Variants in VANGL2 observed in about 807,000 individuals in gnomAD.
VANGL2 encodes VANGL planar cell polarity protein 2.
In VANGL2, 14 loss-of-function variants were observed where a neutral mutation model predicts 50.2. That is an observed-to-expected ratio of 0.28 (90% CI 0.18 to 0.44). VANGL2 has a LOEUF of 0.44. Ranked by LOEUF, VANGL2 falls within the 20% of genes least tolerant of loss-of-function variation. The pLI, the probability that VANGL2 is intolerant of heterozygous loss-of-function variation, is 1.00. For missense variants in VANGL2, 533 were observed against 701.5 expected, an observed-to-expected ratio of 0.76 and a Z score of 2.71; for synonymous variants, 295 against 297.2, an observed-to-expected ratio of 0.99 and a Z score of 0.08.
At chr1:160,418,582 C>T (rs1009379287) in intron 3 of VANGL2, among the ~76,000 whole-genome samples, 1 of 152,130 alleles carries the variant, frequency 6.6e-6, no homozygotes, top group African/African-American at 2.4e-5. Context: ...GAGCCCCCTT[C>T]CCCCAAGGAT....
chr1:160,406,929 T>A (rs376298927), intron 1 of VANGL2, among the ~76,000 whole-genome samples: 8 of 152,056 alleles, frequency 5.3e-5, no homozygotes, highest in African/African-American at 1.9e-4. Flanking sequence ...GGTTTCACCA[T>A]GTTGGTCAGG....
rs760069921 is a variant in VANGL2, at chr1:160,415,846, C to T, written c.9C>T (p.Thr3=). Residue 3 remains threonine (T), a synonymous_variant, in exon 2 of 8, where the codon ACC becomes ACT. Transcript: ENST00000368061. MD[T]ESQYSGYSYK... is the part of the protein sequence containing the mutation. The stretch of plus-strand genomic sequence containing the variant: ...CGCGGCGTTCAGACGCCATGGACAC[C>T]GAGTCCCAGTACTCGGGCTATTCCT... The T allele has an allele frequency of 3.3e-5, 53 of 1,613,370 alleles. No homozygotes were observed. The highest frequency in any genetic ancestry group is 3.9e-5 in the Non-Finnish European group (46 of 1,179,846).
rs1385756461 is a variant in VANGL2 at position 160,427,343 on chromosome 1, G to A, written c.*1965G>A. 6.6e-6 allele frequency: 1 copy of A among 152,512 alleles called. No homozygotes were observed. Among genetic ancestry groups the A allele is most frequent in the Non-Finnish European group, 1.5e-5 (1 of 68,018 alleles). 9.4% of individuals were successfully genotyped at this position (152,512 alleles called of 1,614,324 possible). ...CAGGTTGGGGTGGGGGAGAGGGAAA[G>A]GATTTGGGATCTTAGTTGCTGCCCT... On this transcript the variant is annotated 3_prime_UTR_variant, in exon 8 of 8. Coordinates refer to ENST00000368061, the MANE Select transcript of VANGL2 (RefSeq NM_020335.3).
chr1:160,401,042 C>T (rs1650440918), intron 1 of VANGL2, among the ~76,000 whole-genome samples, 173 bp downstream of exon 1: 1 of 152,208 alleles, frequency 6.6e-6, no homozygotes, highest in South Asian at 2.1e-4. Context: ...CCGGGCAACC[C>T]CCTTCCGGTC....
Position 160,427,308 on chromosome 1 carries a change from G to C in VANGL2, c.*1930G>C, listed in dbSNP as rs751815959. 3.3e-5 allele frequency: 5 copies of C among 152,698 alleles called. No individual in the cohort carries two copies. The highest frequency in any genetic ancestry group is 7.3e-5 in the Non-Finnish European group (5 of 68,088). The allele number at this position is 152,698 out of a possible 1,614,324, so 9.5% of individuals were successfully genotyped here. On this transcript the variant is annotated 3_prime_UTR_variant, in exon 8 of 8. Coordinates refer to ENST00000368061, the MANE Select transcript of VANGL2 (RefSeq NM_020335.3). ...TGTGGACAGGATGGAGTGTGGTGTG[G>C]TCTGAGGAGCAGGTTGGGGTGGGGG...
At chr1:160,411,058 A>T (rs966957349) in intron 1 of VANGL2, among the ~76,000 whole-genome samples, 3 of 150,356 alleles carry the variant, frequency 2.0e-5, no homozygotes, top group Non-Finnish European at 3.0e-5. Flanking sequence ...TTGGGATGAT[A>T]CTGAGACACA....
At chr1:160,417,181 C>A (rs958759950) in intron 3 of VANGL2, among the ~76,000 whole-genome samples, 3 of 152,108 alleles carry the variant, frequency 2.0e-5, no homozygotes, top group Non-Finnish European at 4.4e-5. Flanking sequence ...TGAAGGCAGT[C>A]AGTGCATCTG....
rs137980981 is a variant in VANGL2 at position 160,404,975 on chromosome 1, C to G, written c.-191+4106C>G. Among the ~76,000 whole-genome samples, 7 of 152,248 alleles carry G rather than the reference C, an allele frequency of 4.6e-5. No individual in the cohort carries two copies. The East Asian group carries it at 1.4e-3, about 29-fold the overall frequency. On this transcript the variant is annotated intron_variant, in intron 1 of 7. Coordinates refer to ENST00000368061, the MANE Select transcript of VANGL2 (RefSeq NM_020335.3). ...AACAAAGTTAATCATCCCTTTCCTG[C>G]TTGTGCTATGGGCTTGGTAGAGTTG... is the stretch of plus-strand genomic sequence containing the variant.
Position 160,425,508 on chromosome 1 carries a change from C to T in VANGL2, c.*130C>T, listed in dbSNP as rs569780418. 7.1e-4 allele frequency: 608 copies of T among 858,074 alleles called. 1 individual carries two copies. Among genetic ancestry groups the T allele is most frequent in the Non-Finnish European group, 9.4e-4 (537 of 572,668 alleles). 53.2% of individuals were successfully genotyped at this position (858,074 alleles called of 1,614,324 possible). ...GCTCTTTTTTTTTTACTTGAATTAA[C>T]GCACCCCCACCTTCTCTCCTCGCTT... On this transcript the variant is annotated 3_prime_UTR_variant, in exon 8 of 8. Transcript: ENST00000368061.
chr1:160,417,988 C>T (rs990760076), intron 3 of VANGL2, among the ~76,000 whole-genome samples: 2 of 151,108 alleles, frequency 1.3e-5, no homozygotes, highest in African/African-American at 2.4e-5. Context: ...CTCTGCTCAC[C>T]ACAACCTCCT....
chr1:160,400,905 G>GA (rs533298948), intron 1 of VANGL2, 36 bp downstream of exon 1: 7 of 149,648 alleles, frequency 4.7e-5, no homozygotes, highest in South Asian at 4.2e-4. Context: ...GGCAAAGTTT[G>GA]AAAAAAAAAG....
intron 1 of VANGL2, among the ~76,000 whole-genome samples, chr1:160,412,522 G>A (rs1426621030): frequency 6.6e-6 from 1 of 152,132 alleles, no homozygotes; most frequent in Non-Finnish European, 1.5e-5. Flanking sequence ...CAGGAGAGTG[G>A]GTAGATGAGC....
At chr1:160,403,406 G>T (rs1417205346) in intron 1 of VANGL2, among the ~76,000 whole-genome samples, 1 of 152,172 alleles carries the variant, frequency 6.6e-6, no homozygotes, top group Non-Finnish European at 1.5e-5. Context: ...TGGCCACGTT[G>T]GCCCCTCCTC....
chr1:160,410,353 C>T (rs903686231), intron 1 of VANGL2, among the ~76,000 whole-genome samples: 4 of 152,184 alleles, frequency 2.6e-5, no homozygotes, highest in Admixed American at 1.3e-4. Context: ...TCCCTGCCCC[C>T]CTTTTCTTCC....
chr1:160,408,614 C>G (rs911038490), intron 1 of VANGL2, among the ~76,000 whole-genome samples: 4 of 152,138 alleles, frequency 2.6e-5, no homozygotes, highest in African/African-American at 9.7e-5. Flanking sequence ...ATCCTGCCCC[C>G]ACCCTGGGGC....
rs140839691 is a variant in VANGL2 at position 160,419,529 on chromosome 1, C to G, written c.720C>G (p.Arg240=). Residue 240 remains arginine (R), a synonymous_variant, in exon 4 of 8, where the codon CGC becomes CGG. Coordinates refer to ENST00000368061, the MANE Select transcript of VANGL2 (RefSeq NM_020335.3). This position sits in a 1 kb window ranked among gnomAD's most constrained non-coding sequence, Gnocchi z 5.8. ...TGGCCGTGGTCCTGCTGGAGCTGCG[C>G]CAGCTCCAGCCTCAGTTCACGCTCA... The part of the protein sequence containing the change: ...HYLAVVLLEL[R]QLQPQFTLKV... The G allele has an allele frequency of 6.2e-7, 1 of 1,601,218 alleles. No homozygotes were observed. The highest frequency in any genetic ancestry group is 1.3e-5 in the African/African-American group (1 of 75,000).
At chr1:160,423,231 A>AT (rs546448049) in intron 6 of VANGL2, among the ~76,000 whole-genome samples, 5 of 151,078 alleles carry the variant, frequency 3.3e-5, no homozygotes, top group East Asian at 1.9e-4. Flanking sequence ...ATGTAAATGG[A>AT]TTTTTTTTTC....
intron 1 of VANGL2, among the ~76,000 whole-genome samples, chr1:160,407,443 C>T (rs1181486892): frequency 6.6e-6 from 1 of 152,152 alleles, no homozygotes; most frequent in Non-Finnish European, 1.5e-5. Context: ...TCCTACAATC[C>T]AGCCTTTGCT....
At chr1:160,412,584 A>G (rs1650916578) in intron 1 of VANGL2, among the ~76,000 whole-genome samples, 1 of 152,072 alleles carries the variant, frequency 6.6e-6, no homozygotes, top group African/African-American at 2.4e-5. Context: ...TTTTGCTGCA[A>G]AGTTTTTTGG....
Sources: gnomAD v4.1 joint callset for allele counts (sites outside exome capture counted in the v4.1 genomes callset) on GRCh38, gnomAD v4.1.1 for gene constraint, Gnocchi (gnomAD v3.1) non-coding constraint, MANE v1.5 for transcripts, NCBI Gene and HGNC (gene_info 2026-07-23, HGNC 2026-07-21) for gene names.